SOX6: variants seen among roughly 807,000 people sequenced by gnomAD.
SOX6 encodes the protein SRY-box transcription factor 6.
A neutral mutation model predicts 97.8 loss-of-function variants in SOX6; 11 were observed. The ratio of observed to expected loss-of-function variants is 0.11; its 90% CI spans 0.07 to 0.19. The LOEUF (loss-of-function observed/expected upper bound fraction) is 0.19, where lower values mean the gene tolerates loss of function less well. Among genes scored for constraint, SOX6 ranks in the 10% least tolerant of loss-of-function variants. The pLI is 1.00. For synonymous variants in SOX6, 360 were observed against 371.4 expected, an observed-to-expected ratio of 0.97 and a Z score of 0.35; for missense variants, 810 against 1,039.5, an observed-to-expected ratio of 0.78 and a Z score of 3.04.
At chr11:16,621,366 G>A (rs1848543321) in intron 3 of SOX6, among the ~76,000 whole-genome samples, 1 of 152,128 alleles carries the variant, frequency 6.6e-6, no homozygotes, top group Admixed American at 6.5e-5. Context: ...AAAGAACCAT[G>A]GTATCTGCAT....
chr11:16,236,171 C>T (rs1853013946), intron 3 of SOX6, among the ~76,000 whole-genome samples: 1 of 151,924 alleles, frequency 6.6e-6, no homozygotes, highest in Non-Finnish European at 1.5e-5. Flanking sequence ...TGATCTACTA[C>T]TGTGCTTCAA....
chr11:16,190,251 AT>A (rs1390112670), intron 4 of SOX6, among the ~76,000 whole-genome samples: 7 of 152,212 alleles, frequency 4.6e-5, no homozygotes, highest in Non-Finnish European at 1.0e-4. Flanking sequence ...AGAAAGCAGT[AT>A]TTTTAAAATG....
At position 15,986,267 on chromosome 11, in the gene SOX6, A is replaced by G. The variant is rs1192722210; in HGVS notation, c.2120T>C (p.Ile707Thr). Residue 707 changes from isoleucine (I) to threonine (T), a missense_variant, in exon 15 of 16, where the codon ATT becomes ACT. Physicochemically the swap from Ile to Thr is moderately conservative, Grantham distance 89. Transcript: ENST00000683767. ...CCTCATCAGTTGCTTATACTCCCCAATCCGAAGCTTTTTGCCATCAACAAT... is the reference window on the plus strand; with the variant it reads ...CCTCATCAGTTGCTTATACTCCCCAGTCCGAAGCTTTTTGCCATCAACAAT... ...TCIVDGKKLR[I>T]GEYKQLMRSR... 2 of 1,614,038 alleles carry G rather than the reference A, an allele frequency of 1.2e-6. No individual in the cohort carries two copies. The highest frequency in any genetic ancestry group is 1.7e-6 in the Non-Finnish European group (2 of 1,179,984).
chr11:16,309,712 T>C (rs1228567315), intron 3 of SOX6, among the ~76,000 whole-genome samples: 1 of 152,138 alleles, frequency 6.6e-6, no homozygotes, highest in Non-Finnish European at 1.5e-5. Context: ...CATTTACCAC[T>C]TCCTTTTCTG....
At chr11:16,006,122 C>A (rs1000013408) in intron 13 of SOX6, among the ~76,000 whole-genome samples, 23 of 151,956 alleles carry the variant, frequency 1.5e-4, no homozygotes, top group Admixed American at 1.4e-3. Context: ...AATGAAAACC[C>A]ACCTAACACC....
chr11:16,598,393 C>T (rs1331899248), intron 4 of SOX6, among the ~76,000 whole-genome samples: 1 of 152,010 alleles, frequency 6.6e-6, no homozygotes, highest in Non-Finnish European at 1.5e-5. Context: ...GAACTACTCT[C>T]TCTTAGCTGA....
At chr11:16,208,639 A>G (rs539589042) in intron 4 of SOX6, among the ~76,000 whole-genome samples, 12 of 152,348 alleles carry the variant, frequency 7.9e-5, no homozygotes, top group Admixed American at 4.6e-4. Flanking sequence ...GAAAACAACT[A>G]ACTGTATTTG....
At chr11:16,017,679 T>A (rs1008315077) in intron 12 of SOX6, among the ~76,000 whole-genome samples, 1 of 152,162 alleles carries the variant, frequency 6.6e-6, no homozygotes, top group South Asian at 2.1e-4. Context: ...GATGTGGACA[T>A]GGGCACAGAG....
intron 3 of SOX6, among the ~76,000 whole-genome samples, chr11:16,701,036 G>A (rs997522084): frequency 6.6e-6 from 1 of 152,154 alleles, no homozygotes; most frequent in Non-Finnish European, 1.5e-5. Context: ...TCATAAAACA[G>A]TCCATGGAAT....
chr11:16,668,497 G>C (rs902301661), intron 3 of SOX6, among the ~76,000 whole-genome samples: 1 of 152,132 alleles, frequency 6.6e-6, no homozygotes, highest in African/African-American at 2.4e-5. Flanking sequence ...AGAAGGAAGA[G>C]AAGACCATAA....
chr11:16,118,943 G>T (rs1296593536), intron 6 of SOX6, among the ~76,000 whole-genome samples: 2 of 152,116 alleles, frequency 1.3e-5, no homozygotes, highest in Admixed American at 1.3e-4. Context: ...TCCAATGTGT[G>T]TATACCATGA....
At chr11:16,717,474 C>G (rs1445369321) in intron 2 of SOX6, among the ~76,000 whole-genome samples, 1 of 152,048 alleles carries the variant, frequency 6.6e-6, no homozygotes, top group Non-Finnish European at 1.5e-5. Flanking sequence ...ATTCATTTTT[C>G]TATTTCTTTT....
At chr11:16,675,568 G>GT (rs1847878455) in intron 3 of SOX6, among the ~76,000 whole-genome samples, 1 of 152,146 alleles carries the variant, frequency 6.6e-6, no homozygotes. Flanking sequence ...TCTTTGTCTG[G>GT]GTTCAAGTTA....
chr11:16,143,523 G>T (rs1040796615), intron 6 of SOX6, among the ~76,000 whole-genome samples: 20 of 152,144 alleles, frequency 1.3e-4, no homozygotes, highest in Admixed American at 3.9e-4. Flanking sequence ...AATGTAAATG[G>T]GCTAAAAGCT....
chr11:16,214,581 T>C (rs1011321009), intron 4 of SOX6, among the ~76,000 whole-genome samples: 9 of 152,092 alleles, frequency 5.9e-5, no homozygotes, highest in Non-Finnish European at 1.0e-4. Flanking sequence ...GCTGCTCCTA[T>C]ACTGTCAGTG....
At chr11:16,261,559 G>C (rs1008084143) in intron 3 of SOX6, among the ~76,000 whole-genome samples, 1 of 151,842 alleles carries the variant, frequency 6.6e-6, no homozygotes, top group Non-Finnish European at 1.5e-5. Flanking sequence ...ACCCCACCAG[G>C]AAATTCTTCT....
chr11:16,285,386 T>C (rs1854702669), intron 3 of SOX6, among the ~76,000 whole-genome samples: 1 of 151,924 alleles, frequency 6.6e-6, no homozygotes, highest in African/African-American at 2.4e-5. Context: ...GACAAAAAAT[T>C]AGCTGGGCGT....
chr11:16,324,754 T>TA (rs976875843), intron 2 of SOX6, among the ~76,000 whole-genome samples: 4 of 152,042 alleles, frequency 2.6e-5, no homozygotes, highest in Non-Finnish European at 4.4e-5. Context: ...TTATTTACAG[T>TA]AAAAAAAGAA....
At chr11:16,482,580 G>A (rs566623889) in intron 4 of SOX6, among the ~76,000 whole-genome samples, 2 of 152,230 alleles carry the variant, frequency 1.3e-5, no homozygotes, top group African/African-American at 4.8e-5. Context: ...AAAATAGGCA[G>A]GCTCACTTTG....
Sources: gnomAD v4.1 joint callset for allele counts (sites outside exome capture counted in the v4.1 genomes callset) on GRCh38, gnomAD v4.1.1 for gene constraint, MANE v1.5 for transcripts, NCBI Gene and HGNC (gene_info 2026-07-23, HGNC 2026-07-21) for gene names.